AKAP6: variants seen among roughly 807,000 people sequenced by gnomAD.
AKAP6 encodes the protein A-kinase anchoring protein 6, also known as A-kinase anchor protein 6.
A neutral mutation model predicts 188.5 loss-of-function variants in AKAP6; 58 were observed. That is an observed-to-expected ratio of 0.31 (90% CI 0.25 to 0.38). AKAP6 has a LOEUF of 0.38. AKAP6 is among the 10% of genes least tolerant of loss of function. The probability of loss-of-function intolerance (pLI) is 1.00; values close to 1 mark genes in which losing one functional copy is unlikely to be tolerated. For synonymous variants in AKAP6, 989 were observed against 998.6 expected (o/e 0.99, Z 0.18); for missense variants, 2,710 against 2,740.0 (o/e 0.99, Z 0.24).
intron 12 of AKAP6, among the ~76,000 whole-genome samples, chr14:32,787,630 T>A (rs956931183): frequency 5.9e-5 from 9 of 152,276 alleles, no homozygotes; most frequent in African/African-American, 2.2e-4. Context: ...CCTGTAAAAT[T>A]TTAGTGCTGC....
Position 32,824,477 on chromosome 14 carries a change from G to T in AKAP6, c.6664G>T (p.Ala2222Ser), listed in dbSNP as rs1179181563. 4 of 1,613,868 alleles carry T rather than the reference G, an allele frequency of 2.5e-6. No homozygotes were observed. The African/African-American group carries it at 5.3e-5, about 22-fold the overall frequency. ...TTCAAGTCCTTCCTCTCAGGAAAGAGCTGAGGTTGGAAAGGAAGTGAATGG... is the reference window on the plus strand; with the variant it reads ...TTCAAGTCCTTCCTCTCAGGAAAGATCTGAGGTTGGAAAGGAAGTGAATGG... ...ALSSPSSQER[A>S]EVGKEVNGLP... The change falls in exon 13 of 14, where the codon GCT (alanine) becomes TCT (serine). Residue 2222 changes from alanine to serine, a missense_variant. By Grantham distance (99) the Ala-to-Ser change is moderately conservative. Coordinates refer to ENST00000280979, the MANE Select transcript of AKAP6 (RefSeq NM_004274.5).
In AKAP6 at chr14:32,776,247, G is replaced by T. The variant is rs547091891; in HGVS notation, c.3588+2354G>T. On this transcript the variant is annotated intron_variant, in intron 12 of 13. Coordinates refer to ENST00000280979, the MANE Select transcript of AKAP6 (RefSeq NM_004274.5). Reference sequence around the variant, plus strand: ...TGAATTGTAGCTCCCATAATTCCTAGATGTTATGGGAGGGACCGAGTGGGA... The same window carrying T: ...TGAATTGTAGCTCCCATAATTCCTATATGTTATGGGAGGGACCGAGTGGGA... Among the ~76,000 whole-genome samples the T allele has an allele frequency of 5.3e-5, 8 of 152,270 alleles. No homozygotes were observed. The East Asian group carries it at 1.5e-3, about 29-fold the overall frequency.
In AKAP6 at chr14:32,833,324, ATAGAGTGAT is replaced by A. The variant is rs2034840920; in HGVS notation, c.*3522_*3530del. 6.6e-6 allele frequency: 1 copy of A among 152,224 alleles called. No homozygotes were observed. Among genetic ancestry groups the A allele is most frequent in the Non-Finnish European group, 1.5e-5 (1 of 68,038 alleles). 9.4% of individuals were successfully genotyped at this position (152,224 alleles called of 1,614,324 possible). On this transcript the variant is annotated 3_prime_UTR_variant, in exon 14 of 14. Coordinates refer to ENST00000280979, the MANE Select transcript of AKAP6 (RefSeq NM_004274.5). The stretch of plus-strand genomic sequence containing the variant: ...CTGAAAGTGCCTTTTGTGTCCTTGA[ATAGAGTGAT>A]TATGACTTTTGTCTCAATTAAATGA...
Position 32,836,085 on chromosome 14 carries a change from A to T in AKAP6, c.*6280A>T, listed in dbSNP as rs867290497. 6.6e-6 allele frequency: 1 copy of T among 152,258 alleles called. No homozygotes were observed. The highest frequency in any genetic ancestry group is 2.1e-4 in the South Asian group (1 of 4,828). 9.4% of individuals were successfully genotyped at this position (152,258 alleles called of 1,614,324 possible). A position where few individuals can be genotyped will look rare whatever the true frequency, so the allele number is the denominator to read the frequency against. The stretch of plus-strand genomic sequence containing the variant: ...TTGTCCTTGCATTTTGAAGTAAATC[A>T]TTGCCTGCATAAAGCAACTCTTTTG... On this transcript the variant is annotated 3_prime_UTR_variant, in exon 14 of 14. Transcript: ENST00000280979.
At chr14:32,700,472 C>A (rs1187702751) in intron 9 of AKAP6, among the ~76,000 whole-genome samples, 1 of 152,306 alleles carries the variant, frequency 6.6e-6, no homozygotes, top group Non-Finnish European at 1.5e-5. Context: ...CTTACCTGCT[C>A]CTCATCAATA....
intron 2 of AKAP6, among the ~76,000 whole-genome samples, chr14:32,505,738 A>G (rs1880839581): frequency 6.6e-6 from 1 of 152,216 alleles, no homozygotes; most frequent in African/African-American, 2.4e-5. Flanking sequence ...TTAAGAAGTC[A>G]TACGGTATTT....
At chr14:32,682,018 T>C (rs183057981) in intron 8 of AKAP6, among the ~76,000 whole-genome samples, 3 of 152,190 alleles carry the variant, frequency 2.0e-5, no homozygotes, top group African/African-American at 7.2e-5. Flanking sequence ...AGGAACCAGA[T>C]CTCTGTAAAC....
At chr14:32,624,698 C>A (rs1433821330) in intron 7 of AKAP6, among the ~76,000 whole-genome samples, 1 of 152,074 alleles carries the variant, frequency 6.6e-6, no homozygotes, top group Non-Finnish European at 1.5e-5. Flanking sequence ...CTAAGTAAGA[C>A]AAACAACCCT....
At chr14:32,332,202 C>A (rs1288557278) in intron 1 of AKAP6, among the ~76,000 whole-genome samples, 1 of 152,038 alleles carries the variant, frequency 6.6e-6, no homozygotes, top group East Asian at 1.9e-4. Flanking sequence ...GATTCCAAAC[C>A]ATTGCGATCT....
intron 8 of AKAP6, among the ~76,000 whole-genome samples, chr14:32,679,645 A>G (rs1019111677): frequency 6.6e-6 from 1 of 152,184 alleles, no homozygotes; most frequent in African/African-American, 2.4e-5. Flanking sequence ...GTCTAAGAAT[A>G]TAGGAAATAA....
intron 8 of AKAP6, among the ~76,000 whole-genome samples, chr14:32,694,282 A>G (rs1240274070): frequency 6.6e-6 from 1 of 150,662 alleles, no homozygotes; most frequent in East Asian, 2.0e-4. Context: ...AATGGTGTGA[A>G]CCCGGGAGGC....
chr14:32,454,777 TTCCCTCCCTCCCTCCTTCCCTCCCTCCC>T (rs1891087821), intron 2 of AKAP6, among the ~76,000 whole-genome samples: 1 of 6,032 alleles, frequency 1.7e-4, no homozygotes, highest in Non-Finnish European at 2.9e-4. Flanking sequence ...CCTTCCCTCC[TTCCCTCCCTCCCTCCTTCCCTCCCTCCC>T]TCCCTCCCTC....
At chr14:32,562,344 A>G (rs1883991273) in intron 4 of AKAP6, among the ~76,000 whole-genome samples, 1 of 151,998 alleles carries the variant, frequency 6.6e-6, no homozygotes, top group Non-Finnish European at 1.5e-5. Flanking sequence ...TTGGAGATCT[A>G]ATACTCTTTT....
intron 12 of AKAP6, 124 bp from the exon 13 acceptor site, chr14:32,821,278 G>A (rs186816278): frequency 2.8e-5 from 28 of 999,526 alleles, no homozygotes; most frequent in East Asian, 2.0e-4. Context: ...TAATTAGGCC[G>A]TCTTTCAAGT....
intron 4 of AKAP6, among the ~76,000 whole-genome samples, chr14:32,576,598 G>A (rs1884729591): frequency 1.3e-5 from 2 of 152,102 alleles, no homozygotes; most frequent in East Asian, 1.9e-4. Context: ...GCTGTGGACA[G>A]AACTCGTCCA....
At chr14:32,397,285 T>C (rs1221318929) in intron 1 of AKAP6, among the ~76,000 whole-genome samples, 1 of 152,096 alleles carries the variant, frequency 6.6e-6, no homozygotes, top group Non-Finnish European at 1.5e-5. Flanking sequence ...GAGCTCTAGC[T>C]ATTCATTGGA....
intron 4 of AKAP6, among the ~76,000 whole-genome samples, chr14:32,552,116 G>A (rs1465628345): frequency 2.0e-5 from 3 of 152,182 alleles, no homozygotes; most frequent in African/African-American, 7.2e-5. Context: ...AATGCCTGGT[G>A]TACAGTAATT....
intron 1 of AKAP6, among the ~76,000 whole-genome samples, chr14:32,430,784 G>A (rs2138697904): frequency 6.6e-6 from 1 of 152,266 alleles, no homozygotes; most frequent in Non-Finnish European, 1.5e-5. Context: ...CCAGAGGGCA[G>A]TGGGTCGATT....
At chr14:32,641,103 C>T (rs907329633) in intron 7 of AKAP6, among the ~76,000 whole-genome samples, 4 of 151,768 alleles carry the variant, frequency 2.6e-5, no homozygotes, top group Admixed American at 6.6e-5. Flanking sequence ...TCTGGAAGGT[C>T]GTTGTGAATT....
Sources: allele counts gnomAD v4.1 joint callset (sites outside exome capture counted in the v4.1 genomes callset), GRCh38; gene constraint gnomAD v4.1.1; transcripts MANE v1.5; gene names NCBI Gene and HGNC (gene_info 2026-07-23, HGNC 2026-07-21).